ETV6: variants seen among roughly 807,000 people sequenced by gnomAD.
ETV6 encodes the protein transcription factor ETV6.
ETV6 carries 16 observed loss-of-function variants against 51.1 expected under a neutral mutation model. The observed-to-expected ratio is 0.31, with a 90% CI of 0.21 to 0.48. The LOEUF (loss-of-function observed/expected upper bound fraction) is 0.48, where lower values mean the gene tolerates loss of function less well. Ranked by LOEUF, ETV6 falls within the 20% of genes least tolerant of loss-of-function variation. The pLI is 0.99. For missense variants in ETV6, 458 were observed against 594.8 expected (o/e 0.77, Z 2.39); for synonymous variants, 240 against 224.1 (o/e 1.07, Z -0.64).
intron 1 of ETV6, among the ~76,000 whole-genome samples, chr12:11,663,846 T>G (rs775322765): frequency 1.3e-5 from 2 of 152,246 alleles, no homozygotes; most frequent in Admixed American, 6.5e-5. Flanking sequence ...CGTGCTTCTA[T>G]GTTAGTGTCT....
At chr12:11,686,401 G>A (rs531257026) in intron 1 of ETV6, among the ~76,000 whole-genome samples, 5 of 152,298 alleles carry the variant, frequency 3.3e-5, no homozygotes, top group South Asian at 2.1e-4. Context: ...TACATCTGTC[G>A]GGAATTCACT....
intron 2 of ETV6, among the ~76,000 whole-genome samples, chr12:11,776,813 C>G (rs1300779559): frequency 6.6e-6 from 1 of 152,212 alleles, no homozygotes; most frequent in African/African-American, 2.4e-5. Flanking sequence ...AATAACCCAT[C>G]CCTAGGGAAC....
intron 2 of ETV6, among the ~76,000 whole-genome samples, chr12:11,759,135 C>T (rs1945045912): frequency 6.6e-6 from 1 of 150,820 alleles, no homozygotes; most frequent in Admixed American, 6.6e-5. Context: ...GAAGCAGCTT[C>T]AATAAATGCA....
At chr12:11,721,044 T>C (rs1865375337) in intron 1 of ETV6, among the ~76,000 whole-genome samples, 1 of 152,140 alleles carries the variant, frequency 6.6e-6, no homozygotes. Context: ...GTCAGAATGC[T>C]ATTATCAAAA....
rs116632829 is a variant in ETV6, at chr12:11,738,102, C to T, written c.34-14348C>T. 8.4e-3 allele frequency among the ~76,000 whole-genome samples: 1,275 copies of T among 151,940 alleles called. 11 individuals are homozygous for T. Among genetic ancestry groups the T allele is most frequent in the African/African-American group, 0.03 (1,224 of 41,358 alleles). Reference sequence around the variant, plus strand: ...GTGTATCTTACCATGTAGCATTCTTCGTTTTAAGAAGGATTCCTTCCGGTG... The same window carrying T: ...GTGTATCTTACCATGTAGCATTCTTTGTTTTAAGAAGGATTCCTTCCGGTG... On this transcript the variant is annotated intron_variant, in intron 1 of 7. Coordinates refer to ENST00000396373, the MANE Select transcript of ETV6 (RefSeq NM_001987.5).
chr12:11,793,733 C>T (rs1945638283), intron 2 of ETV6, among the ~76,000 whole-genome samples: 1 of 152,192 alleles, frequency 6.6e-6, no homozygotes, highest in South Asian at 2.1e-4. Flanking sequence ...GCCTGTACTC[C>T]TAGTTACCTT....
At chr12:11,666,192 G>A (rs975729975) in intron 1 of ETV6, among the ~76,000 whole-genome samples, 3 of 152,132 alleles carry the variant, frequency 2.0e-5, no homozygotes, top group African/African-American at 7.2e-5. Flanking sequence ...AGAGCAGCAC[G>A]GCTTGCTGAA....
intron 3 of ETV6, among the ~76,000 whole-genome samples, chr12:11,852,126 C>T (rs1226986511): frequency 6.6e-6 from 1 of 152,170 alleles, no homozygotes. Flanking sequence ...ATCACCCACC[C>T]CCAAAGGGTT....
chr12:11,752,475 C>T lies in ETV6; in HGVS notation c.59C>T (p.Pro20Leu). 6.2e-7 allele frequency: 1 copy of T among 1,613,874 alleles called. No homozygotes were observed. Among genetic ancestry groups the T allele is most frequent in the South Asian group, 1.1e-5 (1 of 91,050 alleles). Residue 20 changes from proline to leucine, a missense_variant, in exon 2 of 8, where the codon CCA becomes CTA. Coordinates refer to ENST00000396373, the MANE Select transcript of ETV6 (RefSeq NM_001987.5). ...IKQERISYTP[P>L]ESPVPSYASS... The stretch of plus-strand genomic sequence containing the variant: ...CAGGAACGAATTTCATATACACCTC[C>T]AGAGAGCCCAGTGCCGAGTTACGCT...
chr12:11,727,636 T>C (rs1288672004), intron 1 of ETV6, among the ~76,000 whole-genome samples: 1 of 151,914 alleles, frequency 6.6e-6, no homozygotes, highest in Non-Finnish European at 1.5e-5. Context: ...GGGGAATGGA[T>C]CTGTGACGTA....
intron 4 of ETV6, among the ~76,000 whole-genome samples, chr12:11,854,786 G>GA (rs377677374): frequency 2.5e-4 from 37 of 150,736 alleles, no homozygotes; most frequent in African/African-American, 8.5e-4. Flanking sequence ...AAGAAGGAAA[G>GA]AAAAAAAAAC....
intron 1 of ETV6, among the ~76,000 whole-genome samples, chr12:11,730,588 A>G (rs536580710): frequency 1.4e-4 from 21 of 152,332 alleles, no homozygotes; most frequent in African/African-American, 5.1e-4. Context: ...TGAGGGAGCC[A>G]TGTTGCGGGG....
chr12:11,710,084 G>A (rs947635369), intron 1 of ETV6, among the ~76,000 whole-genome samples: 11 of 152,162 alleles, frequency 7.2e-5, no homozygotes, highest in Non-Finnish European at 1.2e-4. Flanking sequence ...TATATTAGGC[G>A]CATATCAGAA....
intron 2 of ETV6, among the ~76,000 whole-genome samples, chr12:11,800,327 CATG>C (rs548050753): frequency 1.9e-3 from 282 of 152,232 alleles, no homozygotes; most frequent in African/African-American, 6.5e-3. Context: ...ATACATAAAA[CATG>C]ATATTTTAAT....
chr12:11,835,870 G>A (rs1286565137), intron 2 of ETV6, among the ~76,000 whole-genome samples: 1 of 152,200 alleles, frequency 6.6e-6, no homozygotes, highest in African/African-American at 2.4e-5. Flanking sequence ...CAGATTGCCT[G>A]GGTTCAGATC....
intron 1 of ETV6, among the ~76,000 whole-genome samples, chr12:11,666,411 A>G (rs765620501): frequency 7.1e-4 from 108 of 152,244 alleles, no homozygotes; most frequent in Non-Finnish European, 4.4e-4. Context: ...CTATGGGACT[A>G]GAAAAACAAC....
rs898546055 is a variant in ETV6 at position 11,863,976 on chromosome 12, C to T, written c.464-5448C>T. 7.2e-5 allele frequency among the ~76,000 whole-genome samples: 11 copies of T among 152,214 alleles called. No homozygotes were observed. The East Asian group carries it at 2.1e-3, about 29-fold the overall frequency. On this transcript the variant is annotated intron_variant, in intron 4 of 7. Transcript: ENST00000396373. ...TCCAGTTCTCTACTGTTAATGTTATCAGCTTCATCAAGTACTTCCTCTTTG... is the reference window on the plus strand; with the variant it reads ...TCCAGTTCTCTACTGTTAATGTTATTAGCTTCATCAAGTACTTCCTCTTTG...
In ETV6 at chr12:11,772,967, G is replaced by A. The variant is rs2136354832; in HGVS notation, c.163+20388G>A. On this transcript the variant is annotated intron_variant, in intron 2 of 7. Coordinates refer to ENST00000396373, the MANE Select transcript of ETV6 (RefSeq NM_001987.5). ...CCCAGCACTTTGGGAGGCCGAGGCA[G>A]GTGGGTCACAAGGTCAGGAGATCCA... Among the ~76,000 whole-genome samples the A allele has an allele frequency of 1.3e-5, 2 of 152,196 alleles. 1 individual carries two copies. Among genetic ancestry groups the A allele is most frequent in the Middle Eastern group, 6.8e-3 (2 of 294 alleles).
intron 1 of ETV6, 120 bp downstream of exon 1, chr12:11,650,280 G>A (rs1863866706): frequency 1.1e-6 from 1 of 884,008 alleles, no homozygotes; most frequent in South Asian, 1.3e-5. Context: ...GAAATTATTT[G>A]GGGCGAGAGG....
Sources: allele counts gnomAD v4.1 joint callset (sites outside exome capture counted in the v4.1 genomes callset), GRCh38; gene constraint gnomAD v4.1.1; transcripts MANE v1.5; gene names NCBI Gene and HGNC (gene_info 2026-07-23, HGNC 2026-07-21).